Variants in APBB2 observed in about 807,000 individuals in gnomAD.
APBB2 encodes Fe65-like 1.
A neutral mutation model predicts 82.5 loss-of-function variants in APBB2; 38 were observed. The observed-to-expected ratio is 0.46, with a 90% CI of 0.36 to 0.60. The LOEUF (loss-of-function observed/expected upper bound fraction) is 0.60. Among genes scored for constraint, APBB2 ranks in the 20% least tolerant of loss-of-function variants. The pLI is 0.00. For synonymous variants in APBB2, 341 were observed against 368.2 expected (o/e 0.93, Z 0.85); for missense variants, 772 against 972.3 (o/e 0.79, Z 2.74).
At chr4:41,156,982 C>T (rs1376231476) in intron 1 of APBB2, among the ~76,000 whole-genome samples, 5 of 150,714 alleles carry the variant, frequency 3.3e-5, no homozygotes, top group Admixed American at 3.3e-4. Context: ...AGGAGAATCG[C>T]TTGAACCCAG....
At chr4:40,969,675 C>T (rs1031928914) in intron 6 of APBB2, among the ~76,000 whole-genome samples, 5 of 152,174 alleles carry the variant, frequency 3.3e-5, no homozygotes, top group Admixed American at 2.6e-4. Flanking sequence ...AGAGTCCTTC[C>T]TCCCAGCGTG....
intron 12 of APBB2, among the ~76,000 whole-genome samples, chr4:40,866,812 G>C (rs1002858201): frequency 6.6e-6 from 1 of 152,106 alleles, no homozygotes; most frequent in Non-Finnish European, 1.5e-5. Flanking sequence ...CCACCTCCCA[G>C]GTTCAAGCAA....
intron 5 of APBB2, among the ~76,000 whole-genome samples, chr4:41,025,870 G>A (rs927546476): frequency 6.7e-6 from 1 of 150,192 alleles, no homozygotes; most frequent in African/African-American, 2.5e-5. Context: ...AGGGGTTGGG[G>A]GGTGGAGGTG....
At chr4:40,856,561 C>T (rs748068) in intron 12 of APBB2, among the ~76,000 whole-genome samples, 58,292 of 152,172 alleles carry the variant, frequency 0.38, 12,006 homozygotes, top group Non-Finnish European at 0.47. Flanking sequence ...AATCCAAATA[C>T]TGGATTACCA....
At chr4:41,025,959 A>G (rs942755278) in intron 5 of APBB2, among the ~76,000 whole-genome samples, 16 of 151,472 alleles carry the variant, frequency 1.1e-4, no homozygotes, top group African/African-American at 2.4e-4. Flanking sequence ...AAAAAAAAAA[A>G]AAAAGAAAAA....
At chr4:41,202,216 C>T (rs1380923164) in intron 1 of APBB2, among the ~76,000 whole-genome samples, 1 of 152,228 alleles carries the variant, frequency 6.6e-6, no homozygotes, top group Non-Finnish European at 1.5e-5. Context: ...AACAGTAACT[C>T]TCCATTCCTC....
In APBB2 at chr4:40,815,644, A is replaced by G. The variant is rs188806512; in HGVS notation, c.*448T>C. The G allele has an allele frequency of 6.2e-6, 1 of 162,258 alleles. No individual in the cohort carries two copies. The highest frequency in any genetic ancestry group is 2.4e-5 in the African/African-American group (1 of 41,870). 10.1% of individuals were successfully genotyped at this position (162,258 alleles called of 1,614,324 possible). ...TTACAGCAATTCAATGGTATCTGCT[A>G]TGCAGTGCCTACTCCAATGTTGAAA... On this transcript the variant is annotated 3_prime_UTR_variant, in exon 18 of 18. Transcript: ENST00000508593.
chr4:40,858,972 C>T (rs1003349443), intron 12 of APBB2, among the ~76,000 whole-genome samples: 8 of 152,206 alleles, frequency 5.3e-5, no homozygotes, highest in Admixed American at 3.9e-4. Context: ...GCAGCAAGCT[C>T]AGAGATATGA....
intron 12 of APBB2, 64 bp downstream of exon 12, chr4:40,890,300 T>G: frequency 1.3e-6 from 2 of 1,551,908 alleles, no homozygotes. Context: ...AGCCCATGCT[T>G]TGGTGTTCAG....
chr4:40,957,219 A>C (rs1445401873), intron 6 of APBB2, among the ~76,000 whole-genome samples: 1 of 152,252 alleles, frequency 6.6e-6, no homozygotes, highest in African/African-American at 2.4e-5. Context: ...CTTTGGAAAA[A>C]AATATTCTGT....
chr4:40,968,235 C>T (rs1002473437), intron 6 of APBB2, among the ~76,000 whole-genome samples: 2 of 152,164 alleles, frequency 1.3e-5, no homozygotes, highest in African/African-American at 4.8e-5. Flanking sequence ...TTGAGCCAGG[C>T]AGTCATATAC....
At chr4:40,906,728 A>C (rs1261054020) in intron 10 of APBB2, among the ~76,000 whole-genome samples, 1 of 152,124 alleles carries the variant, frequency 6.6e-6, no homozygotes, top group Non-Finnish European at 1.5e-5. Flanking sequence ...AAACATTTTG[A>C]CCATGAAAGG....
intron 4 of APBB2, among the ~76,000 whole-genome samples, chr4:41,033,667 C>T (rs1226983088): frequency 6.7e-6 from 1 of 149,240 alleles, no homozygotes; most frequent in Non-Finnish European, 1.5e-5. Flanking sequence ...CATTTTGCCA[C>T]GTAAAAATTA....
At chr4:40,973,023 C>T (rs1238065955) in intron 6 of APBB2, among the ~76,000 whole-genome samples, 5 of 152,202 alleles carry the variant, frequency 3.3e-5, no homozygotes, top group African/African-American at 1.2e-4. Flanking sequence ...CACTGTCTTA[C>T]ACATTAGATT....
chr4:40,884,124 C>T (rs1418114340), intron 12 of APBB2, among the ~76,000 whole-genome samples: 1 of 152,180 alleles, frequency 6.6e-6, no homozygotes, highest in African/African-American at 2.4e-5. Context: ...GACCATTCAC[C>T]ATCTCTTGTC....
At chr4:41,022,364 A>T (rs1405484593) in intron 5 of APBB2, among the ~76,000 whole-genome samples, 1 of 152,130 alleles carries the variant, frequency 6.6e-6, no homozygotes, top group Non-Finnish European at 1.5e-5. Flanking sequence ...GAAGTGTGAG[A>T]TCTGGGAAGA....
intron 3 of APBB2, among the ~76,000 whole-genome samples, chr4:41,083,586 G>A (rs1738479070): frequency 1.3e-5 from 2 of 149,876 alleles, no homozygotes; most frequent in South Asian, 4.2e-4. Context: ...TACTCAGGAG[G>A]CTGAGGCAGG....
chr4:41,098,545 G>A lies in APBB2; in HGVS notation c.-149+2094C>T, dbSNP rs372771931. On this transcript the variant is annotated intron_variant, in intron 3 of 17. Coordinates refer to ENST00000508593, the MANE Select transcript of APBB2 (RefSeq NM_004307.2). ...ACAGTCCCTGTAGTAACACAGGGCTGTCTTTAGCTTACTGTAAACACACAA... is the reference window on the plus strand; with the variant it reads ...ACAGTCCCTGTAGTAACACAGGGCTATCTTTAGCTTACTGTAAACACACAA... Among the ~76,000 whole-genome samples the A allele has an allele frequency of 1.2e-4, 18 of 152,242 alleles. No individual in the cohort carries two copies. The South Asian group carries it at 1.9e-3, about 16-fold the overall frequency.
At chr4:40,985,259 T>C (rs1261654035) in intron 6 of APBB2, among the ~76,000 whole-genome samples, 2 of 145,180 alleles carry the variant, frequency 1.4e-5, no homozygotes, top group Admixed American at 1.4e-4. Context: ...CCTAACTTTG[T>C]CTTCAATGAG....
Sources: allele counts gnomAD v4.1 joint callset (sites outside exome capture counted in the v4.1 genomes callset), GRCh38; gene constraint gnomAD v4.1.1; transcripts MANE v1.5; gene names NCBI Gene and HGNC (gene_info 2026-07-23, HGNC 2026-07-21).